Variants in PRKCE observed in about 807,000 individuals in gnomAD.
PRKCE encodes protein kinase C epsilon.
In PRKCE, 16 loss-of-function variants were observed where a neutral mutation model predicts 85.4. The observed-to-expected ratio is 0.19, with a 90% confidence interval of 0.13 to 0.28. The LOEUF (loss-of-function observed/expected upper bound fraction) is 0.28, where lower values mean the gene tolerates loss of function less well. Among genes scored for constraint, PRKCE ranks in the 10% least tolerant of loss-of-function variants. PRKCE has a pLI of 1.00. For synonymous variants in PRKCE, 388 were observed against 371.5 expected (o/e 1.04, Z -0.51); for missense variants, 573 against 975.2 (o/e 0.59, Z 5.49).
chr2:45,933,548 A>T (rs1699199974), intron 2 of PRKCE, among the ~76,000 whole-genome samples: 1 of 132,706 alleles, frequency 7.5e-6, no homozygotes, highest in East Asian at 2.2e-4. Context: ...ATCTCGGCTC[A>T]CTGCAAGCTC....
At chr2:46,051,335 A>C (rs1002701661) in intron 10 of PRKCE, among the ~76,000 whole-genome samples, 1 of 152,200 alleles carries the variant, frequency 6.6e-6, no homozygotes, top group Non-Finnish European at 1.5e-5. Context: ...CACCATACAC[A>C]TGCTGTCACC....
At position 46,000,656 on chromosome 2, in the gene PRKCE, C is replaced by T. The variant is rs973151864; in HGVS notation, c.824-748C>T. Reference sequence around the variant, plus strand: ...CTAGTTGAGCTCCTGAAGAGCACGACTCTCAACTGAATGTACAAAAGTCTA... The same window carrying T: ...CTAGTTGAGCTCCTGAAGAGCACGATTCTCAACTGAATGTACAAAAGTCTA... On this transcript the variant is annotated intron_variant, in intron 6 of 14. Coordinates refer to ENST00000306156, the MANE Select transcript of PRKCE (RefSeq NM_005400.3). Among the ~76,000 whole-genome samples, 5 of 152,040 alleles carry T rather than the reference C, an allele frequency of 3.3e-5. 1 individual carries two copies. The South Asian group carries it at 1.0e-3, about 32-fold the overall frequency.
chr2:45,998,728 T>A (rs1049106678), intron 6 of PRKCE, among the ~76,000 whole-genome samples: 1 of 152,216 alleles, frequency 6.6e-6, no homozygotes, highest in Non-Finnish European at 1.5e-5. Context: ...TTGTTGCCCT[T>A]ATTCTTTGTT....
At chr2:45,783,976 A>C (rs1163786821) in intron 1 of PRKCE, among the ~76,000 whole-genome samples, 2 of 152,202 alleles carry the variant, frequency 1.3e-5, no homozygotes. Context: ...TTAGGATCCA[A>C]CCTGCAGGGA....
chr2:45,978,832 A>G (rs1027366260), intron 3 of PRKCE, 144 bp from the exon 4 acceptor site: 3 of 675,430 alleles, frequency 4.4e-6, no homozygotes, highest in African/African-American at 1.8e-5. Flanking sequence ...GGCACCTTGC[A>G]AGTGAGAGAG....
At chr2:46,072,028 A>G (rs1254834363) in intron 10 of PRKCE, among the ~76,000 whole-genome samples, 1 of 152,214 alleles carries the variant, frequency 6.6e-6, no homozygotes, top group African/African-American at 2.4e-5. Flanking sequence ...ACAATTCTTC[A>G]CAGAAGACCC....
In PRKCE at chr2:46,007,500, T is replaced by A. The variant is rs1558951149; in HGVS notation, c.1102T>A (p.Ser368Thr). 1 of 1,599,796 alleles carries A rather than the reference T, an allele frequency of 6.3e-7. No individual in the cohort carries two copies. Among genetic ancestry groups the A allele is most frequent in the Non-Finnish European group, 8.5e-7 (1 of 1,179,970 alleles). Residue 368 changes from serine (S) to threonine (T), a missense_variant, in exon 9 of 15, where the codon TCA becomes ACA. This residue lies in a region of PRKCE where 117 missense variants were observed against 104.8 expected (regional missense o/e 1.12). Transcript: ENST00000306156. ...TGAGAACAACATTCGGAAAGCCTTG[T>A]CATTTGACAACCGAGGAGAGGAGCA... ...ELENNIRKAL[S>T]FDNRGEEHRA...
intron 1 of PRKCE, among the ~76,000 whole-genome samples, chr2:45,761,001 A>C (rs908680887): frequency 2.1e-4 from 32 of 152,010 alleles, no homozygotes; most frequent in African/African-American, 7.7e-4. Context: ...GTTCTCAAGG[A>C]GTTTGAAGTC....
At chr2:45,892,331 C>A (rs1268625735) in intron 2 of PRKCE, among the ~76,000 whole-genome samples, 1 of 151,532 alleles carries the variant, frequency 6.6e-6, no homozygotes, top group Non-Finnish European at 1.5e-5. Context: ...TTCAGCTGTT[C>A]TTTGTATTTC....
chr2:45,829,796 G>A (rs930358759), intron 1 of PRKCE, among the ~76,000 whole-genome samples: 6 of 152,070 alleles, frequency 3.9e-5, no homozygotes, highest in African/African-American at 9.7e-5. Context: ...AGGCTCGGCC[G>A]GGCGCGGTGG....
chr2:45,940,229 T>G (rs2595192), intron 2 of PRKCE, among the ~76,000 whole-genome samples: 25,140 of 151,902 alleles, frequency 0.17, 2,831 homozygotes, highest in East Asian at 0.57. Flanking sequence ...TGTCTAGGAG[T>G]CTGGTGAGAG....
chr2:45,853,407 T>C (rs1325716046), intron 2 of PRKCE, among the ~76,000 whole-genome samples: 1 of 152,230 alleles, frequency 6.6e-6, no homozygotes, highest in African/African-American at 2.4e-5. Context: ...TTTTTGTTTT[T>C]GTGTTTGTTT....
intron 10 of PRKCE, among the ~76,000 whole-genome samples, chr2:46,063,823 G>A (rs1404683972): frequency 6.6e-6 from 1 of 152,144 alleles, no homozygotes; most frequent in African/African-American, 2.4e-5. Flanking sequence ...TCCTATCAAA[G>A]TCATTTAAGA....
intron 1 of PRKCE, among the ~76,000 whole-genome samples, chr2:45,773,975 G>A (rs1024162930): frequency 3.0e-4 from 46 of 152,334 alleles, no homozygotes; most frequent in East Asian, 1.7e-3. Context: ...GGTGCTGTCC[G>A]CTGCTGTCAT....
chr2:46,069,158 T>G (rs1212024713), intron 10 of PRKCE, among the ~76,000 whole-genome samples: 1 of 152,228 alleles, frequency 6.6e-6, no homozygotes, highest in Admixed American at 6.5e-5. Flanking sequence ...AAGTGGCATG[T>G]CTTCTAGTGA....
Position 46,026,214 on chromosome 2 carries a change from G to C in PRKCE, c.1437+15697G>C, listed in dbSNP as rs187258878. Reference sequence around the variant, plus strand: ...CATGGGAGTAAAAAGCGCAGTCTAAGCACATAGGCATTCATGGGGAGAGTA... The same window carrying C: ...CATGGGAGTAAAAAGCGCAGTCTAACCACATAGGCATTCATGGGGAGAGTA... On this transcript the variant is annotated intron_variant, in intron 10 of 14. Transcript: ENST00000306156. 6.4e-4 allele frequency among the ~76,000 whole-genome samples: 98 copies of C among 152,326 alleles called. 2 individuals are homozygous for C. The highest frequency in any genetic ancestry group is 6.3e-3 in the Admixed American group (97 of 15,306).
At chr2:45,977,264 T>A (rs1044308536) in intron 3 of PRKCE, among the ~76,000 whole-genome samples, 5 of 152,180 alleles carry the variant, frequency 3.3e-5, no homozygotes, top group Non-Finnish European at 7.3e-5. Flanking sequence ...TTCCACTGAA[T>A]AATAATCCAC....
intron 14 of PRKCE, among the ~76,000 whole-genome samples, chr2:46,177,632 A>G (rs971922555): frequency 1.3e-5 from 2 of 152,086 alleles, no homozygotes; most frequent in African/African-American, 2.4e-5. Flanking sequence ...GGCCCACTCT[A>G]ATGACCTCAT....
At chr2:46,112,655 G>C (rs1240032139) in intron 11 of PRKCE, among the ~76,000 whole-genome samples, 1 of 152,008 alleles carries the variant, frequency 6.6e-6, no homozygotes, top group Non-Finnish European at 1.5e-5. Context: ...AAGTAGCTGG[G>C]ATTACAGGCA....
Sources: allele counts gnomAD v4.1 joint callset (sites outside exome capture counted in the v4.1 genomes callset), GRCh38; gene constraint gnomAD v4.1.1; regional missense constraint gnomAD v4.1.1; transcripts MANE v1.5; gene names NCBI Gene and HGNC (gene_info 2026-07-23, HGNC 2026-07-21).